Variants in ANO3 observed in about 807,000 individuals in gnomAD.
ANO3 encodes the protein anoctamin-3.
In ANO3, 99 loss-of-function variants were observed where a neutral mutation model predicts 144.8. The ratio of observed to expected loss-of-function variants is 0.68; its 90% CI spans 0.58 to 0.81. The LOEUF (loss-of-function observed/expected upper bound fraction) is 0.81, where lower values mean the gene tolerates loss of function less well. Among genes scored for constraint, ANO3 ranks in the 30% least tolerant of loss-of-function variants. ANO3 has a pLI of 0.00. For synonymous variants in ANO3, 414 were observed against 392.6 expected (o/e 1.05, Z -0.64); for missense variants, 905 against 1,202.2 (o/e 0.75, Z 3.66).
At chr11:26,331,940 T>G, upstream of ANO3, 3 of 442,460 alleles carry the variant, frequency 6.8e-6, no homozygotes, top group Non-Finnish European at 8.2e-6. Flanking sequence ...TTTGCTCCGA[T>G]TTATATCTCC....
At chr11:26,617,932 G>C (rs1340164218) in intron 17 of ANO3, among the ~76,000 whole-genome samples, 1 of 152,090 alleles carries the variant, frequency 6.6e-6, no homozygotes, top group African/African-American at 2.4e-5. Flanking sequence ...ATCAAGTAGG[G>C]CTAGATTAAA....
intron 14 of ANO3, chr11:26,571,916 C>T (rs1365480567): frequency 4.4e-6 from 1 of 225,046 alleles, no homozygotes; most frequent in African/African-American, 2.3e-5. Context: ...GCCGTAGCTA[C>T]TTGCCAGGCT....
intron 1 of ANO3, among the ~76,000 whole-genome samples, chr11:26,368,221 A>C (rs1856147915): frequency 6.6e-6 from 1 of 152,300 alleles, no homozygotes; most frequent in East Asian, 1.9e-4. Context: ...TATTGTCCAA[A>C]AGTGCTGAGA....
At chr11:26,466,613 G>A (rs1590385624) in intron 4 of ANO3, among the ~76,000 whole-genome samples, 2 of 151,946 alleles carry the variant, frequency 1.3e-5, no homozygotes, top group Admixed American at 1.3e-4. Flanking sequence ...AGGCTCATAA[G>A]CACAGTTGCC....
At chr11:26,230,684 C>A (rs1443685952) in intron 1 of ANO3, among the ~76,000 whole-genome samples, 1 of 150,970 alleles carries the variant, frequency 6.6e-6, no homozygotes, top group South Asian at 2.1e-4. Flanking sequence ...GTGATCCCAG[C>A]TAATCAGGAG....
chr11:26,339,796 A>T (rs760574471), intron 1 of ANO3, among the ~76,000 whole-genome samples: 3 of 152,192 alleles, frequency 2.0e-5, no homozygotes, highest in African/African-American at 7.2e-5. Flanking sequence ...GTGAAATAAT[A>T]TTCTTAACCT....
chr11:26,380,277 G>A (rs1856554484), intron 1 of ANO3, among the ~76,000 whole-genome samples: 1 of 152,128 alleles, frequency 6.6e-6, no homozygotes, highest in Non-Finnish European at 1.5e-5. Context: ...TGTATTACTT[G>A]TTCTTGTGGG....
chr11:26,425,863 G>A (rs893910477), intron 1 of ANO3, among the ~76,000 whole-genome samples: 15 of 152,084 alleles, frequency 9.9e-5, no homozygotes, highest in African/African-American at 3.6e-4. Flanking sequence ...GGAGTAAATG[G>A]ATGGTGTTTT....
At chr11:26,659,759 G>T (rs1056145417) in intron 26 of ANO3, among the ~76,000 whole-genome samples, 1 of 152,042 alleles carries the variant, frequency 6.6e-6, no homozygotes, top group African/African-American at 2.4e-5. Flanking sequence ...TGTAATAAAG[G>T]TAAAAATATT....
At chr11:26,435,388 G>A (rs1858257581) in intron 1 of ANO3, among the ~76,000 whole-genome samples, 1 of 152,104 alleles carries the variant, frequency 6.6e-6, no homozygotes, top group Non-Finnish European at 1.5e-5. Flanking sequence ...TGATGATTAT[G>A]TTTCTTGGAG....
intron 1 of ANO3, among the ~76,000 whole-genome samples, chr11:26,288,533 AT>A (rs1853861652): frequency 6.6e-6 from 1 of 152,158 alleles, no homozygotes; most frequent in Non-Finnish European, 1.5e-5. Context: ...AGAGCTTTCC[AT>A]TTTAGCTTCA....
chr11:26,609,484 A>T (rs552631873), intron 17 of ANO3, among the ~76,000 whole-genome samples: 1 of 151,444 alleles, frequency 6.6e-6, no homozygotes, highest in Non-Finnish European at 1.5e-5. Flanking sequence ...AAGATATCAC[A>T]TGCAGGATTC....
chr11:26,284,848 T>C (rs962067286), intron 1 of ANO3, among the ~76,000 whole-genome samples: 1 of 152,128 alleles, frequency 6.6e-6, no homozygotes, highest in East Asian at 1.9e-4. Context: ...GAGCCTGCAG[T>C]GAGCCGAGAT....
chr11:26,629,397 C>CCTAT (rs34205606), intron 18 of ANO3, among the ~76,000 whole-genome samples: 56,173 of 150,970 alleles, frequency 0.37, 11,288 homozygotes, highest in South Asian at 0.48. Context: ...TTACATTATT[C>CCTAT]CTATCTATCT....
At chr11:26,591,580 C>T (rs1049379353) in intron 14 of ANO3, among the ~76,000 whole-genome samples, 3 of 152,070 alleles carry the variant, frequency 2.0e-5, no homozygotes, top group African/African-American at 7.2e-5. Context: ...AACCCCTATA[C>T]GATGGGACAT....
At chr11:26,517,897 A>G (rs1032994344) in intron 6 of ANO3, among the ~76,000 whole-genome samples, 3 of 152,060 alleles carry the variant, frequency 2.0e-5, no homozygotes, top group East Asian at 1.9e-4. Context: ...AACCATAGTC[A>G]TTGCCCATAA....
At chr11:26,362,332 G>T (rs1347052335) in intron 1 of ANO3, among the ~76,000 whole-genome samples, 3 of 152,164 alleles carry the variant, frequency 2.0e-5, no homozygotes, top group Non-Finnish European at 4.4e-5. Flanking sequence ...GTACAAGGTA[G>T]ATTGGAAACT....
intron 1 of ANO3, among the ~76,000 whole-genome samples, chr11:26,288,943 G>C (rs140118200): frequency 2.6e-5 from 4 of 152,238 alleles, no homozygotes; most frequent in Admixed American, 2.6e-4. Context: ...TTTTCTGGTA[G>C]ATTTCAGTCG....
chr11:26,657,437 C>T (rs1336711121), intron 26 of ANO3, among the ~76,000 whole-genome samples: 1 of 151,982 alleles, frequency 6.6e-6, no homozygotes, highest in Admixed American at 6.6e-5. Context: ...ATTAAAAAAA[C>T]TTCTGTTGTG....
Sources: gnomAD v4.1 joint callset for allele counts (sites outside exome capture counted in the v4.1 genomes callset) on GRCh38, gnomAD v4.1.1 for gene constraint, MANE v1.5 for transcripts, NCBI Gene and HGNC (gene_info 2026-07-23, HGNC 2026-07-21) for gene names.